Variants in DEPTOR observed in about 807,000 individuals in gnomAD.
DEPTOR encodes the protein DEP domain-containing mTOR-interacting protein.
In DEPTOR, 41 loss-of-function variants were observed where a neutral mutation model predicts 41.6. The ratio of observed to expected loss-of-function variants is 0.98; its 90% CI spans 0.77 to 1.28. The LOEUF (loss-of-function observed/expected upper bound fraction) is 1.28, where lower values mean the gene tolerates loss of function less well. Ranked by LOEUF, DEPTOR falls within the 50% of genes most tolerant of loss-of-function variation. The probability of loss-of-function intolerance (pLI) is 0.00; values close to 1 mark genes in which losing one functional copy is unlikely to be tolerated. For synonymous variants in DEPTOR, 195 were observed against 192.3 expected (o/e 1.01, Z -0.12); for missense variants, 514 against 527.9 (o/e 0.97, Z 0.26).
intron 8 of DEPTOR, among the ~76,000 whole-genome samples, chr8:120,013,144 G>A (rs537559262): frequency 2.9e-5 from 4 of 137,810 alleles, no homozygotes; most frequent in East Asian, 2.0e-4. Flanking sequence ...GTGACAGAGC[G>A]AGACTGTCTC....
At chr8:119,978,180 C>A (rs1261119254) in intron 4 of DEPTOR, among the ~76,000 whole-genome samples, 2 of 152,122 alleles carry the variant, frequency 1.3e-5, no homozygotes, top group Non-Finnish European at 2.9e-5. Context: ...TGATCTTTTA[C>A]AACAGCACAC....
At chr8:119,998,902 G>A (rs1812306832) in intron 4 of DEPTOR, among the ~76,000 whole-genome samples, 1 of 149,718 alleles carries the variant, frequency 6.7e-6, no homozygotes, top group Non-Finnish European at 1.5e-5. Flanking sequence ...TTCTTTGGGT[G>A]ACTTCCTAAT....
chr8:120,008,830 T>A (rs529977913), intron 7 of DEPTOR, among the ~76,000 whole-genome samples, 199 bp from the exon 8 acceptor site: 3 of 152,344 alleles, frequency 2.0e-5, no homozygotes, highest in Admixed American at 2.0e-4. Context: ...AGGTTAGATT[T>A]TTTTTACCAC....
chr8:119,932,908 G>A (rs945001555), intron 3 of DEPTOR, among the ~76,000 whole-genome samples: 2 of 152,098 alleles, frequency 1.3e-5, no homozygotes, highest in African/African-American at 4.8e-5. Flanking sequence ...CTTTGAGATG[G>A]GAATGTGCTG....
intron 1 of DEPTOR, among the ~76,000 whole-genome samples, chr8:119,881,215 A>G (rs1827292691): frequency 6.6e-6 from 1 of 152,204 alleles, no homozygotes; most frequent in African/African-American, 2.4e-5. Context: ...ATGTTAATGC[A>G]GTTTTCAGAA....
intron 4 of DEPTOR, among the ~76,000 whole-genome samples, chr8:119,994,138 G>GA (rs140691940): frequency 0.01 from 1,507 of 146,216 alleles, 23 homozygotes; most frequent in African/African-American, 0.036. Context: ...ACTCCATCTC[G>GA]AAAAAAAAAA....
At chr8:119,939,888 T>C (rs148313298) in intron 3 of DEPTOR, among the ~76,000 whole-genome samples, 1 of 152,260 alleles carries the variant, frequency 6.6e-6, no homozygotes, top group Non-Finnish European at 1.5e-5. Flanking sequence ...GCAGCAGTTA[T>C]GACAAATGGT....
intron 4 of DEPTOR, among the ~76,000 whole-genome samples, chr8:119,993,210 C>T (rs1208659216): frequency 6.6e-6 from 1 of 152,046 alleles, no homozygotes; most frequent in Non-Finnish European, 1.5e-5. Context: ...ATGACATTTC[C>T]CTCATGATTT....
chr8:119,964,291 C>A (rs532653225), intron 3 of DEPTOR, among the ~76,000 whole-genome samples: 1 of 151,890 alleles, frequency 6.6e-6, no homozygotes, highest in African/African-American at 2.4e-5. Context: ...CCAAGATGGG[C>A]GGATCACGAG....
intron 1 of DEPTOR, among the ~76,000 whole-genome samples, chr8:119,885,942 T>G (rs1563956651): frequency 6.6e-6 from 1 of 152,152 alleles, no homozygotes; most frequent in Non-Finnish European, 1.5e-5. Context: ...GTGTACTAAC[T>G]AGTATTCACT....
At chr8:119,956,728 T>TG (rs1171000616) in intron 3 of DEPTOR, among the ~76,000 whole-genome samples, 29 of 113,388 alleles carry the variant, frequency 2.6e-4, no homozygotes, top group African/African-American at 8.9e-4. Context: ...GGGTTTTTTG[T>TG]TTTTTTTTTT....
intron 3 of DEPTOR, among the ~76,000 whole-genome samples, chr8:119,949,376 T>C (rs1828323788): frequency 6.6e-6 from 1 of 152,224 alleles, no homozygotes; most frequent in South Asian, 2.1e-4. Flanking sequence ...TCATTTCTCT[T>C]GGGCACATAC....
At chr8:119,918,151 G>A (rs1170941400) in intron 1 of DEPTOR, among the ~76,000 whole-genome samples, 1 of 151,936 alleles carries the variant, frequency 6.6e-6, no homozygotes, top group Non-Finnish European at 1.5e-5. Context: ...GGTCTCCTGG[G>A]CCCTTTTTTC....
At chr8:119,879,258 AG>A (rs1378322836) in intron 1 of DEPTOR, among the ~76,000 whole-genome samples, 1 of 152,252 alleles carries the variant, frequency 6.6e-6, no homozygotes, top group Non-Finnish European at 1.5e-5. Context: ...AAAATGGTAC[AG>A]CCCCTTTGGA....
chr8:119,925,456 A>T (rs1827951636), intron 1 of DEPTOR, among the ~76,000 whole-genome samples: 1 of 152,076 alleles, frequency 6.6e-6, no homozygotes, highest in Non-Finnish European at 1.5e-5. Context: ...AACCCATCAG[A>T]TCTTGAGATT....
intron 8 of DEPTOR, among the ~76,000 whole-genome samples, chr8:120,024,548 A>G (rs1257729707): frequency 6.6e-6 from 1 of 152,154 alleles, no homozygotes; most frequent in Non-Finnish European, 1.5e-5. Flanking sequence ...CCTTCTAAGA[A>G]GGGGAAATTG....
chr8:120,034,892 A>G (rs956015946), intron 8 of DEPTOR, among the ~76,000 whole-genome samples: 5 of 152,236 alleles, frequency 3.3e-5, no homozygotes, highest in Non-Finnish European at 7.3e-5. Context: ...AACATTTATT[A>G]AAGCCAAACA....
At chr8:119,902,810 G>A (rs919046520) in intron 1 of DEPTOR, among the ~76,000 whole-genome samples, 2 of 152,176 alleles carry the variant, frequency 1.3e-5, no homozygotes, top group African/African-American at 4.8e-5. Context: ...CTAAAATTAA[G>A]TTGTATAGTT....
chr8:119,920,565 G>C (rs869341), intron 1 of DEPTOR, among the ~76,000 whole-genome samples: 42,605 of 152,072 alleles, frequency 0.28, 6,410 homozygotes, highest in Middle Eastern at 0.4. Context: ...CAGAGGCATG[G>C]AGGGTGATTA....
Sources: allele counts gnomAD v4.1 joint callset (sites outside exome capture counted in the v4.1 genomes callset), GRCh38; gene constraint gnomAD v4.1.1; transcripts MANE v1.5; gene names NCBI Gene and HGNC (gene_info 2026-07-23, HGNC 2026-07-21).